Variants in LAMA2 observed in about 807,000 individuals in gnomAD.
LAMA2 encodes laminin subunit alpha 2.
Under a neutral mutation model 364.8 loss-of-function variants are expected in LAMA2, and 269 were observed. The observed-to-expected ratio is 0.74, with a 90% CI of 0.67 to 0.82. The LOEUF is 0.82. Ranked by LOEUF, LAMA2 falls within the 40% of genes least tolerant of loss-of-function variation. The pLI is 0.00. For missense variants in LAMA2, 3,807 were observed against 3,873.2 expected (o/e 0.98, Z 0.45); for synonymous variants, 1,379 against 1,370.6 (o/e 1.01, Z -0.14).
intron 12 of LAMA2, among the ~76,000 whole-genome samples, chr6:129,234,732 A>T (rs892681745): frequency 6.6e-6 from 1 of 152,086 alleles, no homozygotes; most frequent in African/African-American, 2.4e-5. Context: ...ATGTACTTTT[A>T]TGTTATTTAG....
chr6:129,199,718 T>C (rs1311960428), intron 12 of LAMA2, among the ~76,000 whole-genome samples: 1 of 152,122 alleles, frequency 6.6e-6, no homozygotes, highest in Admixed American at 6.5e-5. Context: ...CCATGTATAA[T>C]AGCAATACAT....
intron 41 of LAMA2, among the ~76,000 whole-genome samples, 183 bp from the exon 42 acceptor site, chr6:129,438,463 T>C (rs1469111695): frequency 6.6e-6 from 1 of 151,926 alleles, no homozygotes; most frequent in Non-Finnish European, 1.5e-5. Flanking sequence ...AATTCAATGA[T>C]AATAAAAACA....
chr6:129,330,591 G>GTTTTTTTTTTTTTTT (rs1491387157), intron 29 of LAMA2, among the ~76,000 whole-genome samples: 3 of 83,790 alleles, frequency 3.6e-5, no homozygotes, highest in Non-Finnish European at 4.6e-5. Context: ...GTTGTTGTTT[G>GTTTTTTTTTTTTTTT]GTTTTTGTTT....
intron 10 of LAMA2, among the ~76,000 whole-genome samples, chr6:129,187,442 T>G (rs1273102452): frequency 6.6e-6 from 1 of 151,800 alleles, no homozygotes; most frequent in Non-Finnish European, 1.5e-5. Flanking sequence ...TATGCCAATG[T>G]CTCACATTTT....
rs538584995 is a variant in LAMA2, at chr6:129,322,396, G to A, written c.4176+1741G>A. 3.9e-5 allele frequency among the ~76,000 whole-genome samples: 6 copies of A among 152,298 alleles called. No individual in the cohort carries two copies. In the South Asian group the frequency reaches 1.2e-3, roughly 32 times the overall value. ...ATATGAAATGAGTGACCTTTCCAGT[G>A]AGCATTGAAGATTTTAAAATGGAGG... is the stretch of plus-strand genomic sequence containing the variant. On this transcript the variant is annotated intron_variant, in intron 28 of 64. Coordinates refer to ENST00000421865, the MANE Select transcript of LAMA2 (RefSeq NM_000426.4).
At chr6:129,300,629 G>T in intron 21 of LAMA2, 107 bp from the exon 22 acceptor site, 2 of 1,125,386 alleles carry the variant, frequency 1.8e-6, no homozygotes, top group Non-Finnish European at 2.7e-6. Flanking sequence ...CTTAAGTGTA[G>T]AACTGAAAAG....
intron 12 of LAMA2, among the ~76,000 whole-genome samples, chr6:129,200,692 A>G (rs536959977): frequency 6.6e-6 from 1 of 152,212 alleles, no homozygotes; most frequent in African/African-American, 2.4e-5. Context: ...ACTTTAAAAG[A>G]TATAATGACT....
intron 3 of LAMA2, among the ~76,000 whole-genome samples, chr6:129,079,756 C>T (rs1466430218): frequency 1.3e-5 from 2 of 152,188 alleles, no homozygotes; most frequent in East Asian, 3.9e-4. Flanking sequence ...ACAGATACAA[C>T]ATTGCATTAA....
intron 51 of LAMA2, 63 bp downstream of exon 51, chr6:129,465,352 C>T (rs1011271321): frequency 4.5e-6 from 6 of 1,324,652 alleles, no homozygotes; most frequent in Non-Finnish European, 6.5e-6. Flanking sequence ...TGCACATGTA[C>T]CTGATCAAGA....
chr6:129,508,833 A>G (rs996265937), intron 62 of LAMA2, among the ~76,000 whole-genome samples: 13 of 152,122 alleles, frequency 8.5e-5, no homozygotes, highest in African/African-American at 3.1e-4. Context: ...GTGGGAGTGC[A>G]GATATCTCTT....
In LAMA2 at chr6:129,319,890, C is replaced by T. The variant is rs746498429; in HGVS notation, c.4059-648C>T. Reference sequence around the variant, plus strand: ...GCTCATGCCTGTAATCCCAGCACTTCGGGAGGCCAAAGCAGGCAGATCACT... The same window carrying T: ...GCTCATGCCTGTAATCCCAGCACTTTGGGAGGCCAAAGCAGGCAGATCACT... On this transcript the variant is annotated intron_variant, in intron 27 of 64. Coordinates refer to ENST00000421865, the MANE Select transcript of LAMA2 (RefSeq NM_000426.4). 4.6e-5 allele frequency among the ~76,000 whole-genome samples: 7 copies of T among 152,038 alleles called. No homozygotes were observed. In the South Asian group the frequency reaches 8.3e-4, roughly 18 times the overall value.
Position 129,184,897 on chromosome 6 carries a change from C to T in LAMA2, c.1468-5308C>T, listed in dbSNP as rs1583207931. 2.0e-5 allele frequency among the ~76,000 whole-genome samples: 3 copies of T among 151,934 alleles called. No individual in the cohort carries two copies. In the East Asian group the frequency reaches 5.8e-4, roughly 29 times the overall value. ...AGAACTAATGTTTATGTATTTCCTT[C>T]TCCCTCCCTAACCCATCAACTATTA... is the stretch of plus-strand genomic sequence containing the variant. On this transcript the variant is annotated intron_variant, in intron 10 of 64. Transcript: ENST00000421865.
chr6:129,497,255 AT>A (rs899786529), intron 58 of LAMA2, among the ~76,000 whole-genome samples: 43 of 149,452 alleles, frequency 2.9e-4, no homozygotes, highest in African/African-American at 8.3e-4. Context: ...TAGATTCTTT[AT>A]TTTTTTTTTC....
At chr6:128,943,258 G>A (rs1582735619) in intron 1 of LAMA2, among the ~76,000 whole-genome samples, 1 of 127,870 alleles carries the variant, frequency 7.8e-6, no homozygotes, top group South Asian at 2.7e-4. Flanking sequence ...GAGTGTGTGT[G>A]TATATATACA....
At chr6:129,255,406 A>AG (rs1491125237) in intron 14 of LAMA2, among the ~76,000 whole-genome samples, 1 of 47,164 alleles carries the variant, frequency 2.1e-5, no homozygotes, top group Non-Finnish European at 3.7e-5. Context: ...ACTCTGTCTC[A>AG]AAAAAAAAAA....
Position 128,883,284 on chromosome 6 carries a change from C to T in LAMA2, c.39C>T (p.Leu13=). The T allele has an allele frequency of 6.3e-7, 1 of 1,575,490 alleles. No individual in the cohort carries two copies. Among genetic ancestry groups the T allele is most frequent in the Non-Finnish European group, 8.6e-7 (1 of 1,160,340 alleles). Residue 13 remains leucine (L), a synonymous_variant, in exon 1 of 65, where the codon CTC becomes CTT. Coordinates refer to ENST00000421865, the MANE Select transcript of LAMA2 (RefSeq NM_000426.4). The stretch of plus-strand genomic sequence containing the variant: ...CCGGGGTCCTCCTCCTTCTGCTGCT[C>T]TCCGGAGGCCTCGGGGGCGTACAGG... ...GAAGVLLLLL[L]SGGLGGVQAQ... is the part of the protein sequence containing the mutation.
chr6:129,443,564 A>C (rs1782222683), intron 44 of LAMA2, among the ~76,000 whole-genome samples: 1 of 152,232 alleles, frequency 6.6e-6, no homozygotes, highest in Non-Finnish European at 1.5e-5. Flanking sequence ...AAGAGGATTA[A>C]AATAGATAAG....
intron 1 of LAMA2, among the ~76,000 whole-genome samples, chr6:129,037,696 C>T (rs559248002): frequency 2.0e-5 from 3 of 147,886 alleles, no homozygotes; most frequent in African/African-American, 7.6e-5. Flanking sequence ...GACGGAGTCT[C>T]GCTCTGTCGC....
At chr6:129,508,702 A>T (rs981552980) in intron 62 of LAMA2, among the ~76,000 whole-genome samples, 1 of 152,144 alleles carries the variant, frequency 6.6e-6, no homozygotes, top group African/African-American at 2.4e-5. Flanking sequence ...ATAGGATCTC[A>T]TTCTTTTTTA....
Sources: gnomAD v4.1 joint callset for allele counts (sites outside exome capture counted in the v4.1 genomes callset) on GRCh38, gnomAD v4.1.1 for gene constraint, MANE v1.5 for transcripts, NCBI Gene and HGNC (gene_info 2026-07-23, HGNC 2026-07-21) for gene names.